Variants in TRABD2B observed in about 807,000 individuals in gnomAD.
TRABD2B encodes the protein TraB domain containing 2B, also known as metalloprotease TIKI2.
TRABD2B carries 14 observed loss-of-function variants against 40.1 expected under a neutral mutation model. That is an observed-to-expected ratio of 0.35 (90% CI 0.23 to 0.55). The LOEUF is 0.55. Ranked by LOEUF, TRABD2B falls within the 20% of genes least tolerant of loss-of-function variation. The pLI is 0.90. For synonymous variants in TRABD2B, 263 were observed against 277.0 expected, an observed-to-expected ratio of 0.95 and a Z score of 0.50; for missense variants, 541 against 648.6, an observed-to-expected ratio of 0.83 and a Z score of 1.80.
chr1:47,992,350 A>G (rs1646024086), intron 2 of TRABD2B, among the ~76,000 whole-genome samples: 1 of 152,206 alleles, frequency 6.6e-6, no homozygotes, highest in South Asian at 2.1e-4. Context: ...TACCAAAGCC[A>G]TCATTTGGTT....
chr1:47,915,015 A>G (rs1483894901), intron 2 of TRABD2B, among the ~76,000 whole-genome samples: 1 of 152,232 alleles, frequency 6.6e-6, no homozygotes, highest in Non-Finnish European at 1.5e-5. Flanking sequence ...ACAGCGAGAC[A>G]AATGCCATGA....
intron 5 of TRABD2B, among the ~76,000 whole-genome samples, chr1:47,776,835 C>G (rs1444273769): frequency 6.6e-6 from 1 of 152,190 alleles, no homozygotes; most frequent in African/African-American, 2.4e-5. Context: ...TCCCCTACCC[C>G]CATGGCAACC....
intron 2 of TRABD2B, among the ~76,000 whole-genome samples, chr1:47,863,319 A>AT (rs1557621379): frequency 3.1e-5 from 4 of 127,540 alleles, no homozygotes; most frequent in South Asian, 2.4e-4. Context: ...GATAAATATA[A>AT]ATATATATAT....
intron 2 of TRABD2B, among the ~76,000 whole-genome samples, chr1:47,992,876 C>T (rs1570431871): frequency 6.6e-6 from 1 of 152,336 alleles, no homozygotes; most frequent in Middle Eastern, 3.4e-3. Flanking sequence ...GGAGAACCGA[C>T]AAACCCGCCT....
intron 2 of TRABD2B, among the ~76,000 whole-genome samples, chr1:47,931,684 A>T (rs1645042217): frequency 6.6e-6 from 1 of 152,054 alleles, no homozygotes; most frequent in African/African-American, 2.4e-5. Context: ...AAGCTTCTAG[A>T]ACTCATCACA....
At chr1:47,978,529 C>T (rs551571144) in intron 2 of TRABD2B, among the ~76,000 whole-genome samples, 9 of 152,224 alleles carry the variant, frequency 5.9e-5, no homozygotes, top group East Asian at 1.9e-4. Context: ...TATCCCGACC[C>T]GAATGACTGG....
chr1:47,923,924 ACACACACAC>A (rs1644936941), intron 2 of TRABD2B, among the ~76,000 whole-genome samples: 1 of 2,388 alleles, frequency 4.2e-4, no homozygotes, highest in Non-Finnish European at 3.3e-3. Flanking sequence ...ATACACACAC[ACACACACAC>A]ACACACACAC....
At chr1:47,788,116 T>G (rs892331683) in intron 4 of TRABD2B, among the ~76,000 whole-genome samples, 1 of 152,150 alleles carries the variant, frequency 6.6e-6, no homozygotes, top group Non-Finnish European at 1.5e-5. Context: ...AATGGAATAA[T>G]AAATACCATC....
chr1:47,850,954 A>G (rs114136961), intron 2 of TRABD2B, among the ~76,000 whole-genome samples: 274 of 152,290 alleles, frequency 1.8e-3, no homozygotes, highest in African/African-American at 6.0e-3. Context: ...ACAGTTCACA[A>G]CAGGGTTCAT....
rs780669674 is a variant in TRABD2B, at chr1:47,841,786, C to CTTT, written c.667-40170_667-40168dup. 5.9e-5 allele frequency among the ~76,000 whole-genome samples: 8 copies of CTTT among 136,444 alleles called. 1 individual carries two copies. The highest frequency in any genetic ancestry group is 1.5e-4 in the Admixed American group (2 of 13,512). 89.5% of individuals were successfully genotyped at this position (136,444 alleles called of 152,430 possible). The stretch of plus-strand genomic sequence containing the variant: ...AACCTTCTCCTTTTCTTTTCTTTTT[C>CTTT]TTTTTTTTTTTTTTTTGAGACAGAG... On this transcript the variant is annotated intron_variant, in intron 2 of 6. Coordinates refer to ENST00000606738, the MANE Select transcript of TRABD2B (RefSeq NM_001194986.2).
chr1:47,774,110 C>T (rs778017394), intron 6 of TRABD2B, among the ~76,000 whole-genome samples: 34 of 152,200 alleles, frequency 2.2e-4, no homozygotes, highest in East Asian at 1.4e-3. Flanking sequence ...CAGGTGTACA[C>T]GCAACATACA....
At chr1:47,890,356 T>C (rs892157858) in intron 2 of TRABD2B, among the ~76,000 whole-genome samples, 2 of 152,118 alleles carry the variant, frequency 1.3e-5, no homozygotes, top group Non-Finnish European at 2.9e-5. Context: ...AGCGTGGTCA[T>C]GGAGGTGGCA....
At chr1:47,979,973 G>T (rs572291269) in intron 2 of TRABD2B, among the ~76,000 whole-genome samples, 11 of 152,264 alleles carry the variant, frequency 7.2e-5, no homozygotes, top group African/African-American at 2.6e-4. Context: ...ATGAGTGGGT[G>T]GGCCAATTAT....
intron 3 of TRABD2B, among the ~76,000 whole-genome samples, chr1:47,800,338 G>C (rs1356501484): frequency 6.6e-6 from 1 of 152,234 alleles, no homozygotes; most frequent in Non-Finnish European, 1.5e-5. Context: ...GAGATGACGA[G>C]ATTTTAGTTA....
At chr1:47,888,621 C>T (rs1385988298) in intron 2 of TRABD2B, among the ~76,000 whole-genome samples, 1 of 152,166 alleles carries the variant, frequency 6.6e-6, no homozygotes, top group Non-Finnish European at 1.5e-5. Context: ...CTGTCACCTG[C>T]TTACCACACC....
chr1:47,933,051 C>T (rs927913957), intron 2 of TRABD2B, among the ~76,000 whole-genome samples: 2 of 151,882 alleles, frequency 1.3e-5, no homozygotes, highest in African/African-American at 2.4e-5. Flanking sequence ...AGGAATTGAA[C>T]TCAGTCTCCC....
chr1:47,866,316 C>T (rs751170774), intron 2 of TRABD2B, among the ~76,000 whole-genome samples: 9 of 152,122 alleles, frequency 5.9e-5, no homozygotes, highest in Admixed American at 6.5e-5. Context: ...CTGGCTAAGA[C>T]AGTCAAGAGC....
intron 2 of TRABD2B, among the ~76,000 whole-genome samples, chr1:47,921,070 T>C (rs1161441381): frequency 6.6e-6 from 1 of 152,226 alleles, no homozygotes; most frequent in Non-Finnish European, 1.5e-5. Flanking sequence ...GCACCATACT[T>C]GGCCTAGACA....
rs142916441 is a variant in TRABD2B, at chr1:47,947,326, A to C, written c.666+46708T>G. On this transcript the variant is annotated intron_variant, in intron 2 of 6. Coordinates refer to ENST00000606738, the MANE Select transcript of TRABD2B (RefSeq NM_001194986.2). Reference sequence around the variant, plus strand: ...GCTACTTTCTCCCACGTTAACAGCAAGGAAATTAAGATTCAGAAAGGCCAA... The same window carrying C: ...GCTACTTTCTCCCACGTTAACAGCACGGAAATTAAGATTCAGAAAGGCCAA... Among the ~76,000 whole-genome samples, 252 of 152,328 alleles carry C rather than the reference A, an allele frequency of 1.7e-3. 2 individuals are homozygous for C. Among genetic ancestry groups the C allele is most frequent in the Admixed American group, 7.2e-3 (110 of 15,304 alleles).
Sources: gnomAD v4.1 joint callset for allele counts (sites outside exome capture counted in the v4.1 genomes callset) on GRCh38, gnomAD v4.1.1 for gene constraint, MANE v1.5 for transcripts, NCBI Gene and HGNC (gene_info 2026-07-23, HGNC 2026-07-21) for gene names.